WBP2NL: variants seen among roughly 807,000 people sequenced by gnomAD.
WBP2NL encodes WBP2 N-terminal like, also known as postacrosomal sheath WW domain-binding protein.
In WBP2NL, 27 loss-of-function variants were observed where a neutral mutation model predicts 23.3. The observed-to-expected ratio is 1.16, with a 90% CI of 0.85 to 1.60. The LOEUF (loss-of-function observed/expected upper bound fraction) is 1.60, where lower values mean the gene tolerates loss of function less well. WBP2NL is among the 40% of genes most tolerant of loss of function. The pLI, the probability that WBP2NL is intolerant of heterozygous loss-of-function variation, is 0.00. For missense variants in WBP2NL, 370 were observed against 389.5 expected, an observed-to-expected ratio of 0.95 and a Z score of 0.42; for synonymous variants, 151 against 145.9, an observed-to-expected ratio of 1.03 and a Z score of -0.25.
intron 8 of WBP2NL, among the ~76,000 whole-genome samples, chr22:42,055,802 C>T (rs1489121552): frequency 6.6e-6 from 1 of 151,976 alleles, no homozygotes; most frequent in South Asian, 2.1e-4. Flanking sequence ...GATCTAGTAA[C>T]AATTTTTGTC....
chr22:42,049,303 GA>G (rs964390937), intron 8 of WBP2NL, among the ~76,000 whole-genome samples: 1 of 150,352 alleles, frequency 6.7e-6, no homozygotes, highest in South Asian at 2.1e-4. Context: ...TATTTCAAAA[GA>G]AAAAAAAATC....
intron 1 of WBP2NL, among the ~76,000 whole-genome samples, chr22:42,013,726 CAGCCTCCTG>C (rs1218831574): frequency 6.6e-6 from 1 of 152,120 alleles, no homozygotes; most frequent in Admixed American, 6.5e-5. Context: ...TCTCTTGCCT[CAGCCTCCTG>C]AGTAGCTGGG....
At chr22:42,000,510 T>G (rs1279001117) in intron 1 of WBP2NL, among the ~76,000 whole-genome samples, 1 of 152,166 alleles carries the variant, frequency 6.6e-6, no homozygotes, top group East Asian at 1.9e-4. Context: ...CATAATTGAG[T>G]CCCATCATCA....
At chr22:42,036,615 A>G (rs1925191765), downstream of WBP2NL, among the ~76,000 whole-genome samples, 2 of 152,218 alleles carry the variant, frequency 1.3e-5, no homozygotes, top group Non-Finnish European at 2.9e-5. Context: ...TCTTTTTGAT[A>G]ATAGCCTAAA....
At chr22:42,026,215 T>A (rs1025698836) in intron 5 of WBP2NL, among the ~76,000 whole-genome samples, 1 of 151,248 alleles carries the variant, frequency 6.6e-6, no homozygotes, top group African/African-American at 2.4e-5. Context: ...GAGCTTGCAG[T>A]GAGCCAAGAT....
chr22:42,018,073 C>G lies in WBP2NL; in HGVS notation c.63-1238C>G, dbSNP rs200493288. Among the ~76,000 whole-genome samples, 6 of 150,592 alleles carry G rather than the reference C, an allele frequency of 4.0e-5. No individual in the cohort carries two copies. In the East Asian group the frequency reaches 1.2e-3, roughly 29 times the overall value. ...CAGAGGCAGGAGAATCGTTTGAACC[C>G]GGGAGGCGGAGGTTGCAGTGAGCCG... On this transcript the variant is annotated intron_variant, in intron 1 of 5. Transcript: ENST00000328823.
intron 8 of WBP2NL, among the ~76,000 whole-genome samples, chr22:42,042,748 G>T (rs891198646): frequency 6.6e-6 from 1 of 152,110 alleles, no homozygotes; most frequent in Admixed American, 6.5e-5. Context: ...CCTTGCATAG[G>T]TGTTTGCACA....
chr22:42,041,481 T>TA (rs35848343), intron 8 of WBP2NL, among the ~76,000 whole-genome samples: 22,458 of 112,664 alleles, frequency 0.2, 2,652 homozygotes, highest in African/African-American at 0.31. Flanking sequence ...GTTCTGTCTT[T>TA]AAAAAAAAAA....
intron 1 of WBP2NL, chr22:42,001,207 G>A: frequency 1.4e-6 from 1 of 735,394 alleles, no homozygotes; most frequent in East Asian, 2.5e-5. Flanking sequence ...AGTCAAATGT[G>A]CCTGTGTACA....
At chr22:42,034,703 A>G (rs1413672181), downstream of WBP2NL, among the ~76,000 whole-genome samples, 1 of 152,230 alleles carries the variant, frequency 6.6e-6, no homozygotes, top group Non-Finnish European at 1.5e-5. Context: ...CATAAGAGAC[A>G]GGTACGCCCC....
At chr22:42,008,170 TCTCCCTCCCTTC>T (rs1922467344) in intron 1 of WBP2NL, among the ~76,000 whole-genome samples, 1 of 141,412 alleles carries the variant, frequency 7.1e-6, no homozygotes. Flanking sequence ...TCCTTTCCTT[TCTCCCTCCCTTC>T]CCTCTCCCTC....
At chr22:42,026,273 AAATAATAATAATAATAATAATAAT>A (rs3045492) in intron 5 of WBP2NL, among the ~76,000 whole-genome samples, 3 of 140,320 alleles carry the variant, frequency 2.1e-5, no homozygotes, top group African/African-American at 7.9e-5. Context: ...CCCCCTCTCA[AAATAATAATAATAATAATAATAAT>A]AATAATAATA....
chr22:42,054,994 C>T (rs1175069381), intron 8 of WBP2NL, among the ~76,000 whole-genome samples: 1 of 152,174 alleles, frequency 6.6e-6, no homozygotes, highest in Non-Finnish European at 1.5e-5. Flanking sequence ...ATTACTGTAG[C>T]TTTTTGGTAG....
At chr22:42,045,213 C>T (rs1321894333) in intron 8 of WBP2NL, among the ~76,000 whole-genome samples, 1 of 151,926 alleles carries the variant, frequency 6.6e-6, no homozygotes, top group African/African-American at 2.4e-5. Flanking sequence ...CCGAGGCGGG[C>T]GGATCACGAG....
At chr22:42,022,170 T>C (rs1445355364) in intron 4 of WBP2NL, 79 bp from the exon 5 acceptor site, 3 of 1,133,764 alleles carry the variant, frequency 2.6e-6, no homozygotes, top group East Asian at 2.4e-5. Flanking sequence ...TTAAATACTC[T>C]GTTAATTGTT....
intron 8 of WBP2NL, chr22:42,058,235 C>T (rs1189037687): frequency 6.6e-6 from 1 of 151,614 alleles, no homozygotes; most frequent in East Asian, 1.9e-4. Flanking sequence ...ATTTTTAAAG[C>T]CCTTATCTGT....
rs770703146 is a variant in WBP2NL, at chr22:42,026,769, T to G, written c.518T>G (p.Ile173Ser). The change falls in exon 6 of 6, where the codon ATT becomes AGT. Residue 173 changes from isoleucine (I) to serine (S), a missense_variant. Ile to Ser is a moderately radical substitution (Grantham distance 142). Coordinates refer to ENST00000328823, the MANE Select transcript of WBP2NL (RefSeq NM_152613.3). ...MCTPQMPCSV[I>S]VYGAPPAGYG... ...TTCCTTCCATTATAATTCCCAGTTA[T>G]TGTCTATGGAGCCCCACCTGCAGGA... is the stretch of plus-strand genomic sequence containing the variant. 1.2e-6 allele frequency: 2 copies of G among 1,611,648 alleles called. No individual in the cohort carries two copies. Among genetic ancestry groups the G allele is most frequent in the African/African-American group, 1.3e-5 (1 of 74,756 alleles).
rs760862828 is a variant in WBP2NL at position 42,026,852 on chromosome 22, G to A, written c.601G>A (p.Val201Ile). ...ACCTGCAGGATATGGAGCCCAACCC[G>A]TAGGAAATGAAGGCCCGCCTGTGGG... ...APPAGYGAQP[V>I]GNEGPPVGYR... The change falls in exon 6 of 6, where the codon GTA becomes ATA. Residue 201 changes from valine (V) to isoleucine (I), a missense_variant. Coordinates refer to ENST00000328823, the MANE Select transcript of WBP2NL (RefSeq NM_152613.3). 2.9e-5 allele frequency: 46 copies of A among 1,608,094 alleles called. 1 individual carries two copies. The highest frequency in any genetic ancestry group is 5.5e-5 in the South Asian group (5 of 90,842).
At chr22:42,046,645 C>T (rs1602480630) in intron 8 of WBP2NL, among the ~76,000 whole-genome samples, 1 of 152,090 alleles carries the variant, frequency 6.6e-6, no homozygotes, top group East Asian at 1.9e-4. Context: ...CTGATTGGTT[C>T]TCACATATAC....
Sources: allele counts gnomAD v4.1 joint callset (sites outside exome capture counted in the v4.1 genomes callset), GRCh38; gene constraint gnomAD v4.1.1; transcripts MANE v1.5; gene names NCBI Gene and HGNC (gene_info 2026-07-23, HGNC 2026-07-21).